The following YY1 variants were observed in gnomAD, a reference collection of about 807,000 sequenced individuals.
The protein encoded by YY1 is YY1 transcription factor, also known as transcriptional repressor protein YY1.
A neutral mutation model predicts 35.6 loss-of-function variants in YY1; 2 were observed. That is an observed-to-expected ratio of 0.06 (90% CI 0.02 to 0.18). The LOEUF is 0.18. YY1 is among the 10% of genes least tolerant of loss of function. The probability of loss-of-function intolerance (pLI) is 1.00; values close to 1 mark genes in which losing one functional copy is unlikely to be tolerated. For missense variants in YY1, 322 were observed against 573.4 expected, an observed-to-expected ratio of 0.56 and a Z score of 4.48; for synonymous variants, 268 against 238.9, an observed-to-expected ratio of 1.12 and a Z score of -1.12.
rs541844584 is a variant in YY1 at position 100,278,489 on chromosome 14, T to G, written c.*889T>G. On this transcript the variant is annotated 3_prime_UTR_variant, in exon 5 of 5. Coordinates refer to ENST00000262238, the MANE Select transcript of YY1 (RefSeq NM_003403.5). ...AAAGCAAGAATATGGCAGAACAAGA[T>G]CTGTAAGCACAGTCTTATTTTCTTT... The G allele has an allele frequency of 6.5e-6, 1 of 152,688 alleles. No homozygotes were observed. The highest frequency in any genetic ancestry group is 2.4e-5 in the African/African-American group (1 of 41,558). The allele number at this position is 152,688 out of a possible 1,614,324, so 9.5% of individuals were successfully genotyped here.
rs71113254 is a variant in YY1 at position 100,260,771 on chromosome 14, C to CTTTTTTT, written c.680-1500_680-1494dup. The stretch of plus-strand genomic sequence containing the variant: ...CAGGTGTGAGCCACCGTGCCTGGTC[C>CTTTTTTT]TTTTTTTTTTTTTTTTTTTTTTTTT... On this transcript the variant is annotated intron_variant, in intron 1 of 4. Transcript: ENST00000262238. Among the ~76,000 whole-genome samples the CTTTTTTT allele has an allele frequency of 7.0e-4, 30 of 42,568 alleles. 7 individuals are homozygous for CTTTTTTT. Among genetic ancestry groups the CTTTTTTT allele is most frequent in the South Asian group, 1.1e-3 (1 of 870 alleles). The allele number at this position is 42,568 out of a possible 152,430, so 27.9% of individuals were successfully genotyped here.
chr14:100,262,174 A>AAT, intron 1 of YY1, 130 bp from the exon 2 acceptor site: 1 of 895,042 alleles, frequency 1.1e-6, no homozygotes. Flanking sequence ...AAAAAAAAAA[A>AAT]GGGAGAGGGG....
chr14:100,251,411 C>T lies in YY1; in HGVS notation c.680-10893C>T, dbSNP rs193247436. Among the ~76,000 whole-genome samples the T allele has an allele frequency of 3.9e-3, 597 of 152,354 alleles. 3 individuals carry two copies. The highest frequency in any genetic ancestry group is 7.0e-3 in the Non-Finnish European group (476 of 68,038). On this transcript the variant is annotated intron_variant, in intron 1 of 4. Transcript: ENST00000262238. ...AGGAACCCACACAACAACTTTATAGCTCTGAAACTGATTCTCACTGCTGGC... is the reference window on the plus strand; with the variant it reads ...AGGAACCCACACAACAACTTTATAGTTCTGAAACTGATTCTCACTGCTGGC...
intron 2 of YY1, among the ~76,000 whole-genome samples, chr14:100,272,185 A>C (rs924502332): frequency 6.6e-6 from 1 of 151,712 alleles, no homozygotes; most frequent in Non-Finnish European, 1.5e-5. Flanking sequence ...AGTCCCAGCT[A>C]CTCAGGAGGC....
chr14:100,280,227 G>A lies in YY1; in HGVS notation c.*2627G>A, dbSNP rs796511676. 3.5e-4 allele frequency: 53 copies of A among 152,294 alleles called. No homozygotes were observed. Among genetic ancestry groups the A allele is most frequent in the African/African-American group, 1.3e-3 (52 of 41,554 alleles). 9.4% of individuals were successfully genotyped at this position (152,294 alleles called of 1,614,324 possible). ...TAGAATTTATAATTTTGCTAACGAT[G>A]TAATTTACTAAGGTTTGAAATGGTA... On this transcript the variant is annotated 3_prime_UTR_variant, in exon 5 of 5. Coordinates refer to ENST00000262238, the MANE Select transcript of YY1 (RefSeq NM_003403.5).
intron 1 of YY1, among the ~76,000 whole-genome samples, chr14:100,258,809 TAG>T (rs1566775260): frequency 1.3e-5 from 2 of 152,374 alleles, no homozygotes; most frequent in South Asian, 2.1e-4. Flanking sequence ...GTGGTGGAAT[TAG>T]AGTCATGTAA....
In YY1 at chr14:100,278,485, A is replaced by C. The variant is rs1482556651; in HGVS notation, c.*885A>C. 2 of 152,628 alleles carry C rather than the reference A, an allele frequency of 1.3e-5. No individual in the cohort carries two copies. Among genetic ancestry groups the C allele is most frequent in the Non-Finnish European group, 2.9e-5 (2 of 68,038 alleles). 9.5% of individuals were successfully genotyped at this position (152,628 alleles called of 1,614,324 possible). A position where few individuals can be genotyped will look rare whatever the true frequency, so the allele number is the denominator to read the frequency against. ...TCCTAAAGCAAGAATATGGCAGAAC[A>C]AGATCTGTAAGCACAGTCTTATTTT... On this transcript the variant is annotated 3_prime_UTR_variant, in exon 5 of 5. Coordinates refer to ENST00000262238, the MANE Select transcript of YY1 (RefSeq NM_003403.5).
rs60088505 is a variant in YY1, at chr14:100,249,100, A to ATTTTTTTTTTTT, written c.679+9201_679+9212dup. ...TTTGTGATGGACTCTTTCTCGTGTAATTTTTTTTTTTTTTTTTTTTTTTTT... is the reference window on the plus strand; with the variant it reads ...TTTGTGATGGACTCTTTCTCGTGTAATTTTTTTTTTTTTTTTTTTTTTTTTTTTTTTTTTTTT... On this transcript the variant is annotated intron_variant, in intron 1 of 4. Coordinates refer to ENST00000262238, the MANE Select transcript of YY1 (RefSeq NM_003403.5). Among the ~76,000 whole-genome samples the ATTTTTTTTTTTT allele has an allele frequency of 3.6e-4, 17 of 46,832 alleles. 1 individual carries two copies. The highest frequency in any genetic ancestry group is 3.6e-4 in the Non-Finnish European group (9 of 25,196). The allele number at this position is 46,832 out of a possible 152,430, so 30.7% of individuals were successfully genotyped here.
chr14:100,252,001 TGAAAG>T (rs1275518561), intron 1 of YY1, among the ~76,000 whole-genome samples: 4 of 152,264 alleles, frequency 2.6e-5, no homozygotes, highest in Non-Finnish European at 5.9e-5. Flanking sequence ...AATGGCTTCT[TGAAAG>T]GAAGAGATCT....
chr14:100,242,321 A>G (rs1378947929), intron 1 of YY1, among the ~76,000 whole-genome samples: 4 of 150,916 alleles, frequency 2.7e-5, no homozygotes, highest in East Asian at 1.9e-4. Context: ...ATGGAAGTCA[A>G]TTTACAATTA....
chr14:100,239,335 A>G lies in YY1; in HGVS notation c.91A>G (p.Ile31Val), dbSNP rs777497914. ...VELHEIEVET[I>V]PVETIETTVV... ...GCTGCACGAGATCGAGGTGGAGACC[A>G]TCCCGGTGGAGACCATCGAGACCAC... Residue 31 changes from isoleucine to valine, a missense_variant, in exon 1 of 5, where the codon ATC becomes GTC. Physicochemically the swap from Ile to Val is conservative, Grantham distance 29 (BLOSUM62 3). Coordinates refer to ENST00000262238, the MANE Select transcript of YY1 (RefSeq NM_003403.5). 1 of 1,605,206 alleles carries G rather than the reference A, an allele frequency of 6.2e-7. No homozygotes were observed. Among genetic ancestry groups the G allele is most frequent in the Non-Finnish European group, 8.5e-7 (1 of 1,176,616 alleles).
intron 1 of YY1, among the ~76,000 whole-genome samples, chr14:100,256,652 G>A (rs1891009897): frequency 6.6e-6 from 1 of 152,194 alleles, no homozygotes; most frequent in East Asian, 1.9e-4. Context: ...CAAATTCATA[G>A]AGACAGAAAG....
chr14:100,248,121 C>CTTTTATTT (rs772049697), intron 1 of YY1, among the ~76,000 whole-genome samples: 1 of 117,660 alleles, frequency 8.5e-6, no homozygotes, highest in Non-Finnish European at 1.7e-5. Context: ...ATTTTTTTTT[C>CTTTTATTT]TTTTTTTTTT....
At chr14:100,256,088 GAT>G (rs1891001554) in intron 1 of YY1, among the ~76,000 whole-genome samples, 1 of 151,386 alleles carries the variant, frequency 6.6e-6, no homozygotes, top group Non-Finnish European at 1.5e-5. Flanking sequence ...AATGAGCTAT[GAT>G]CATGCAGACT....
chr14:100,249,303 T>C (rs1271253910), intron 1 of YY1, among the ~76,000 whole-genome samples: 2 of 151,590 alleles, frequency 1.3e-5, no homozygotes, highest in Non-Finnish European at 2.9e-5. Context: ...GTACTTTTAG[T>C]AGAGATGGGG....
intron 1 of YY1, among the ~76,000 whole-genome samples, chr14:100,241,241 G>C (rs923369726): frequency 3.9e-5 from 6 of 152,132 alleles, no homozygotes; most frequent in African/African-American, 1.4e-4. Context: ...CCATATAAGC[G>C]GTGGAACCTC....
chr14:100,243,359 C>T (rs1328638739), intron 1 of YY1, among the ~76,000 whole-genome samples: 1 of 152,150 alleles, frequency 6.6e-6, no homozygotes, highest in Non-Finnish European at 1.5e-5. Flanking sequence ...TAAAATAGCC[C>T]CTTAGTTTGG....
At chr14:100,266,613 C>T (rs61992948) in intron 2 of YY1, among the ~76,000 whole-genome samples, 5,143 of 152,112 alleles carry the variant, frequency 0.034, 134 homozygotes, top group Non-Finnish European at 0.051. Flanking sequence ...AAGGGACCAC[C>T]CACAGAGACT....
chr14:100,251,622 A>C (rs976434057), intron 1 of YY1, among the ~76,000 whole-genome samples: 4 of 152,162 alleles, frequency 2.6e-5, no homozygotes, highest in African/African-American at 9.7e-5. Flanking sequence ...TAAACCTAGG[A>C]GAGGGGGGAA....
Sources: allele counts gnomAD v4.1 joint callset (sites outside exome capture counted in the v4.1 genomes callset), GRCh38; gene constraint gnomAD v4.1.1; transcripts MANE v1.5; gene names NCBI Gene and HGNC (gene_info 2026-07-23, HGNC 2026-07-21).